Variants in EFCAB11 observed in about 807,000 individuals in gnomAD.
EFCAB11 encodes the protein EF-hand calcium binding domain 11.
A neutral mutation model predicts 23.0 loss-of-function variants in EFCAB11; 14 were observed. That is an observed-to-expected ratio of 0.61 (90% CI 0.40 to 0.95). EFCAB11 has a LOEUF of 0.95. Ranked by LOEUF, EFCAB11 falls within the 40% of genes least tolerant of loss-of-function variation. EFCAB11 has a pLI of 0.00. For synonymous variants in EFCAB11, 65 were observed against 66.6 expected, an observed-to-expected ratio of 0.98 and a Z score of 0.11; for missense variants, 198 against 195.8, an observed-to-expected ratio of 1.01 and a Z score of -0.07.
In EFCAB11 at chr14:89,931,558, A is replaced by C; in HGVS notation, c.393T>G (p.Thr131=). The C allele has an allele frequency of 6.2e-7, 1 of 1,614,146 alleles. No homozygotes were observed. Among genetic ancestry groups the C allele is most frequent in the Non-Finnish European group, 8.5e-7 (1 of 1,179,986 alleles). The part of the protein sequence containing the change: ...RQVAPKLPER[T]VLEVFREVDR... ...TGCCTTACCTGAATACCTCAAGAAC[A>C]GTCCTTTCCGGTAATTTGGGAGCCA... Residue 131 remains threonine, a synonymous_variant, in exon 5 of 6, where the codon ACT becomes ACG. Coordinates refer to ENST00000316738, the MANE Select transcript of EFCAB11 (RefSeq NM_145231.4).
intron 5 of EFCAB11, among the ~76,000 whole-genome samples, chr14:89,847,521 C>T (rs1222876429): frequency 6.6e-6 from 1 of 151,932 alleles, no homozygotes; most frequent in Non-Finnish European, 1.5e-5. Context: ...GGGCGGATCA[C>T]CTGAGGTCAG....
chr14:89,837,092 T>C (rs1162243925), intron 5 of EFCAB11: 2 of 456,692 alleles, frequency 4.4e-6, no homozygotes, highest in Non-Finnish European at 8.8e-6. Context: ...GGAGGGGTTT[T>C]TAGACTTCTG....
At chr14:89,902,325 T>C (rs1334517663) in intron 5 of EFCAB11, among the ~76,000 whole-genome samples, 1 of 152,168 alleles carries the variant, frequency 6.6e-6, no homozygotes, top group African/African-American at 2.4e-5. Flanking sequence ...ATTTATTCTG[T>C]TTTACTTTTC....
intron 5 of EFCAB11, chr14:89,837,141 G>A (rs1382355988): frequency 2.2e-6 from 1 of 455,598 alleles, no homozygotes; most frequent in African/African-American, 2.0e-5. Flanking sequence ...AAAATCCTTA[G>A]GCCTCTGCAA....
At chr14:89,801,329 CT>C (rs1357421814) in intron 5 of EFCAB11, among the ~76,000 whole-genome samples, 1 of 152,142 alleles carries the variant, frequency 6.6e-6, no homozygotes, top group East Asian at 1.9e-4. Flanking sequence ...GGGATGGTGA[CT>C]TTGGGGTGTC....
intron 5 of EFCAB11, among the ~76,000 whole-genome samples, chr14:89,908,106 G>A (rs1889553814): frequency 6.6e-6 from 1 of 152,182 alleles, no homozygotes; most frequent in African/African-American, 2.4e-5. Flanking sequence ...GAAGAGGAGG[G>A]GTGGACCTTT....
chr14:89,870,767 TAAAAAAA>T (rs56920547), intron 5 of EFCAB11, among the ~76,000 whole-genome samples: 1 of 102,972 alleles, frequency 9.7e-6, no homozygotes, highest in East Asian at 2.9e-4. Flanking sequence ...TCATCTCTAC[TAAAAAAA>T]AAAAAAAAAA....
intron 5 of EFCAB11, among the ~76,000 whole-genome samples, chr14:89,889,866 T>C (rs931006172): frequency 4.6e-5 from 7 of 152,238 alleles, no homozygotes; most frequent in African/African-American, 1.4e-4. Flanking sequence ...AATGGGAAAC[T>C]GGCATCTGGT....
chr14:89,929,653 G>A (rs1169266157), intron 5 of EFCAB11, among the ~76,000 whole-genome samples: 1 of 152,100 alleles, frequency 6.6e-6, no homozygotes, highest in African/African-American at 2.4e-5. Context: ...CCCAAAGTGT[G>A]GGGATTACAG....
At chr14:89,797,427 G>C in intron 5 of EFCAB11, 103 bp from the exon 6 acceptor site, 1 of 1,018,496 alleles carries the variant, frequency 9.8e-7, no homozygotes, top group Non-Finnish European at 1.4e-6. Context: ...GTGTGAGAGA[G>C]GAACCTATTT....
intron 5 of EFCAB11, among the ~76,000 whole-genome samples, chr14:89,844,113 G>A (rs957961525): frequency 1.2e-4 from 19 of 152,324 alleles, no homozygotes; most frequent in African/African-American, 3.8e-4. Flanking sequence ...GGCCACTTCT[G>A]ATTTCAACTT....
At chr14:89,800,522 T>A (rs1326917739) in intron 5 of EFCAB11, among the ~76,000 whole-genome samples, 1 of 152,110 alleles carries the variant, frequency 6.6e-6, no homozygotes, top group African/African-American at 2.4e-5. Flanking sequence ...GTTAAGCAGC[T>A]CCCCTTTTAC....
chr14:89,816,492 C>T (rs1886341530), intron 5 of EFCAB11, among the ~76,000 whole-genome samples: 1 of 152,170 alleles, frequency 6.6e-6, no homozygotes. Flanking sequence ...TCACTCCTAG[C>T]ACACTTTGCT....
intron 5 of EFCAB11, among the ~76,000 whole-genome samples, chr14:89,909,200 G>A (rs1019841119): frequency 3.9e-5 from 6 of 152,144 alleles, no homozygotes; most frequent in South Asian, 2.1e-4. Flanking sequence ...TTGGGAAAAC[G>A]GTCCCTAGGA....
chr14:89,832,746 G>A (rs1886926209), intron 5 of EFCAB11, among the ~76,000 whole-genome samples: 1 of 152,172 alleles, frequency 6.6e-6, no homozygotes, highest in African/African-American at 2.4e-5. Flanking sequence ...TTATAATAAA[G>A]TGTAGAATCT....
intron 5 of EFCAB11, among the ~76,000 whole-genome samples, chr14:89,810,014 G>T (rs1886100156): frequency 6.6e-6 from 1 of 152,210 alleles, no homozygotes; most frequent in South Asian, 2.1e-4. Context: ...TACACACTAT[G>T]GTGAAGGAAC....
intron 5 of EFCAB11, among the ~76,000 whole-genome samples, chr14:89,925,648 C>CTTTCTTT (rs749910856): frequency 1.2e-4 from 16 of 134,684 alleles, no homozygotes; most frequent in South Asian, 4.8e-4. Flanking sequence ...ATGTTTCTTT[C>CTTTCTTT]TTTTTTTTTT....
chr14:89,925,477 TCTATAGTACAAACAGTA>T lies in EFCAB11; in HGVS notation c.410+6047_410+6063del, dbSNP rs1183226223. Among the ~76,000 whole-genome samples, 7 of 152,304 alleles carry T rather than the reference TCTATAGTACAAACAGTA, an allele frequency of 4.6e-5. No homozygotes were observed. The South Asian group carries it at 8.3e-4, about 18-fold the overall frequency. ...AAACACCCTATTATCTAACATTAAT[TCTATAGTACAAACAGTA>T]CTATAGTACAAACAGCTCTTATGTC... On this transcript the variant is annotated intron_variant, in intron 5 of 5. Transcript: ENST00000316738.
intron 5 of EFCAB11, among the ~76,000 whole-genome samples, chr14:89,930,150 G>A (rs1158199004): frequency 6.6e-6 from 1 of 152,150 alleles, no homozygotes; most frequent in Admixed American, 6.5e-5. Context: ...TATGCATCTG[G>A]CTTTAACTTC....
Sources: gnomAD v4.1 joint callset for allele counts (sites outside exome capture counted in the v4.1 genomes callset) on GRCh38, gnomAD v4.1.1 for gene constraint, MANE v1.5 for transcripts, NCBI Gene and HGNC (gene_info 2026-07-23, HGNC 2026-07-21) for gene names.